The following ELMO1 variants were observed in gnomAD, a reference collection of about 807,000 sequenced individuals.
ELMO1 encodes engulfment and cell motility protein 1.
A neutral mutation model predicts 98.9 loss-of-function variants in ELMO1; 26 were observed. That is an observed-to-expected ratio of 0.26 (90% CI 0.19 to 0.36). The LOEUF is 0.36. ELMO1 is among the 10% of genes least tolerant of loss of function. The probability of loss-of-function intolerance (pLI) is 1.00; values close to 1 mark genes in which losing one functional copy is unlikely to be tolerated. For synonymous variants in ELMO1, 346 were observed against 346.0 expected (o/e 1.00, Z 0.00); for missense variants, 627 against 935.2 (o/e 0.67, Z 4.30).
At chr7:37,015,617 A>C (rs1793883073) in intron 15 of ELMO1, among the ~76,000 whole-genome samples, 1 of 152,188 alleles carries the variant, frequency 6.6e-6, no homozygotes, top group African/African-American at 2.4e-5. Flanking sequence ...AAACAGAAAA[A>C]AAGAAAAAAT....
intron 15 of ELMO1, among the ~76,000 whole-genome samples, chr7:37,036,425 C>T (rs1282268057): frequency 1.3e-5 from 2 of 152,108 alleles, no homozygotes; most frequent in African/African-American, 2.4e-5. Flanking sequence ...GGTTGGAGTG[C>T]AATAGTGCAA....
At chr7:37,392,009 C>T (rs1803101367) in intron 1 of ELMO1, among the ~76,000 whole-genome samples, 1 of 152,192 alleles carries the variant, frequency 6.6e-6, no homozygotes, top group Admixed American at 6.5e-5. Context: ...AATTGAAGAA[C>T]TTGAGTTTCC....
chr7:37,016,985 C>A (rs1034022944), intron 15 of ELMO1, among the ~76,000 whole-genome samples: 4 of 152,138 alleles, frequency 2.6e-5, no homozygotes, highest in African/African-American at 9.7e-5. Context: ...GTTTTTCTAT[C>A]CACAGAAAAT....
intron 1 of ELMO1, among the ~76,000 whole-genome samples, chr7:37,405,150 A>T (rs569646897): frequency 6.6e-6 from 1 of 152,254 alleles, no homozygotes; most frequent in African/African-American, 2.4e-5. Flanking sequence ...ATTTTATCTG[A>T]ATGAATCTTT....
intron 5 of ELMO1, among the ~76,000 whole-genome samples, chr7:37,264,356 T>C (rs1796140744): frequency 6.6e-6 from 1 of 152,184 alleles, no homozygotes; most frequent in Admixed American, 6.5e-5. Flanking sequence ...TATGCACACA[T>C]ATGTATTCAC....
chr7:37,311,501 A>C (rs1798886577), intron 4 of ELMO1, among the ~76,000 whole-genome samples: 1 of 152,222 alleles, frequency 6.6e-6, no homozygotes, highest in Non-Finnish European at 1.5e-5. Context: ...ACTGGGCTGT[A>C]AGTAACCAAG....
intron 15 of ELMO1, among the ~76,000 whole-genome samples, chr7:37,055,031 C>T (rs935387597): frequency 2.0e-5 from 3 of 152,220 alleles, no homozygotes; most frequent in African/African-American, 4.8e-5. Context: ...CCAGGGAACA[C>T]ATTTCTAAAA....
At chr7:37,096,495 T>A in intron 15 of ELMO1, 124 bp downstream of exon 15, 2 of 727,914 alleles carry the variant, frequency 2.7e-6, no homozygotes, top group Non-Finnish European at 4.7e-6. Flanking sequence ...ATAATCAACC[T>A]ATCCACAGTG....
chr7:37,347,406 C>G (rs28645963), intron 1 of ELMO1, among the ~76,000 whole-genome samples: 11,872 of 149,482 alleles, frequency 0.079, 563 homozygotes, highest in South Asian at 0.17. Context: ...ACAGTCCCTT[C>G]CCCTCAGTCT....
At chr7:37,188,794 G>A (rs915083015) in intron 13 of ELMO1, among the ~76,000 whole-genome samples, 1 of 152,054 alleles carries the variant, frequency 6.6e-6, no homozygotes, top group African/African-American at 2.4e-5. Flanking sequence ...ATCTTGCTGG[G>A]GTTTAGGGTA....
chr7:37,282,070 A>G (rs1238245571), intron 4 of ELMO1, among the ~76,000 whole-genome samples: 1 of 149,908 alleles, frequency 6.7e-6, no homozygotes, highest in African/African-American at 2.5e-5. Context: ...TGTCATTGTC[A>G]TATGTTTCCC....
intron 6 of ELMO1, among the ~76,000 whole-genome samples, chr7:37,250,903 T>A (rs1045255263): frequency 1.3e-5 from 2 of 151,988 alleles, no homozygotes; most frequent in Non-Finnish European, 2.9e-5. Flanking sequence ...AGCTTACTCA[T>A]ATTCCAGCAG....
At chr7:37,291,979 G>C (rs200154436) in intron 4 of ELMO1, among the ~76,000 whole-genome samples, 5 of 113,246 alleles carry the variant, frequency 4.4e-5, no homozygotes, top group Admixed American at 4.1e-4. Context: ...CTCTTTCCAC[G>C]GTCTCCCTCT....
chr7:37,185,132 A>C (rs1175745167), intron 13 of ELMO1, among the ~76,000 whole-genome samples: 1 of 152,214 alleles, frequency 6.6e-6, no homozygotes, highest in Non-Finnish European at 1.5e-5. Flanking sequence ...TGAATCAAAT[A>C]TGATAGCCTA....
At chr7:36,984,640 T>G (rs1356728940) in intron 16 of ELMO1, among the ~76,000 whole-genome samples, 1 of 152,222 alleles carries the variant, frequency 6.6e-6, no homozygotes, top group Non-Finnish European at 1.5e-5. Context: ...ACCAATAAGA[T>G]TTCTCTTGTT....
At chr7:36,965,020 C>T (rs1274780492) in intron 16 of ELMO1, among the ~76,000 whole-genome samples, 2 of 152,132 alleles carry the variant, frequency 1.3e-5, no homozygotes, top group African/African-American at 2.4e-5. Context: ...GGCCATCTTC[C>T]CATTCCTTGA....
intron 5 of ELMO1, 87 bp downstream of exon 5, chr7:37,271,745 A>G: frequency 2.8e-6 from 4 of 1,441,094 alleles, no homozygotes; most frequent in Non-Finnish European, 3.8e-6. Context: ...ACTAAAGTCA[A>G]CCTCAAAAAT....
chr7:36,935,806 T>G (rs1377012645), intron 16 of ELMO1, among the ~76,000 whole-genome samples: 1 of 152,142 alleles, frequency 6.6e-6, no homozygotes. Flanking sequence ...AGTAAGAGAA[T>G]AGGTGGTGGT....
intron 16 of ELMO1, among the ~76,000 whole-genome samples, chr7:37,006,228 A>G (rs78862700): frequency 0.021 from 3,266 of 152,322 alleles, 120 homozygotes; most frequent in African/African-American, 0.075. Context: ...TGAACAAACT[A>G]TCTGGGGAAA....
Sources: allele counts gnomAD v4.1 joint callset (sites outside exome capture counted in the v4.1 genomes callset), GRCh38; gene constraint gnomAD v4.1.1; transcripts MANE v1.5; gene names NCBI Gene and HGNC (gene_info 2026-07-23, HGNC 2026-07-21).